The following RAB7A variants were observed in gnomAD, a reference collection of about 807,000 sequenced individuals.
RAB7A encodes RAB7A, member RAS oncogene family.
A neutral mutation model predicts 24.5 loss-of-function variants in RAB7A; 2 were observed. The ratio of observed to expected loss-of-function variants is 0.08; its 90% CI spans 0.03 to 0.26. The LOEUF (loss-of-function observed/expected upper bound fraction) is 0.26, where lower values mean the gene tolerates loss of function less well. Ranked by LOEUF, RAB7A falls within the 10% of genes least tolerant of loss-of-function variation. RAB7A has a pLI of 1.00. For missense variants in RAB7A, 118 were observed against 255.7 expected (o/e 0.46, Z 3.67); for synonymous variants, 100 against 95.9 (o/e 1.04, Z -0.25).
intron 1 of RAB7A, among the ~76,000 whole-genome samples, chr3:128,752,353 G>A (rs1275024652): frequency 1.3e-5 from 2 of 151,484 alleles, no homozygotes; most frequent in Admixed American, 1.3e-4. Context: ...AGAAAAATGG[G>A]AAGAAGATAT....
In RAB7A at chr3:128,792,996, G is replaced by A. The variant is rs570855103; in HGVS notation, c.-8-2364G>A. 1.8e-3 allele frequency among the ~76,000 whole-genome samples: 250 copies of A among 140,554 alleles called. 3 individuals are homozygous for A. The highest frequency in any genetic ancestry group is 2.3e-3 in the Non-Finnish European group (146 of 64,650). The allele number at this position is 140,554 out of a possible 152,430, so 92.2% of individuals were successfully genotyped here. On this transcript the variant is annotated intron_variant, in intron 1 of 5. Transcript: ENST00000265062. Reference sequence around the variant, plus strand: ...CTCCTGAGTAGCTGGGATTACAGGCGCGTGCCACCATGCCCAGCTAATTTT... The same window carrying A: ...CTCCTGAGTAGCTGGGATTACAGGCACGTGCCACCATGCCCAGCTAATTTT...
intron 1 of RAB7A, among the ~76,000 whole-genome samples, chr3:128,729,124 T>C (rs1451799509): frequency 6.6e-6 from 1 of 152,152 alleles, no homozygotes; most frequent in Non-Finnish European, 1.5e-5. Context: ...TTGGGGCAAT[T>C]TTTTTTAAAA....
At chr3:128,755,749 A>G (rs753329498) in intron 1 of RAB7A, among the ~76,000 whole-genome samples, 5 of 152,122 alleles carry the variant, frequency 3.3e-5, no homozygotes, top group Non-Finnish European at 7.4e-5. Flanking sequence ...AGATTTTTTA[A>G]TTTCATGAAT....
intron 1 of RAB7A, among the ~76,000 whole-genome samples, chr3:128,752,311 GA>G (rs1333672062): frequency 5.3e-5 from 8 of 150,572 alleles, no homozygotes; most frequent in African/African-American, 2.0e-4. Flanking sequence ...AATAAAAAAT[GA>G]AAAAATGAGA....
chr3:128,791,718 G>A (rs535716952), intron 1 of RAB7A, among the ~76,000 whole-genome samples: 49 of 152,266 alleles, frequency 3.2e-4, no homozygotes, highest in Middle Eastern at 3.4e-3. Flanking sequence ...ACTCTGCTGG[G>A]CATGTCCTTA....
At chr3:128,768,770 C>T (rs1202199700) in intron 1 of RAB7A, among the ~76,000 whole-genome samples, 1 of 144,458 alleles carries the variant, frequency 6.9e-6, no homozygotes, top group African/African-American at 2.6e-5. Context: ...ACTTTGTTGT[C>T]TAGGCTGCTC....
intron 5 of RAB7A, among the ~76,000 whole-genome samples, chr3:128,808,474 C>A (rs1435670621): frequency 6.6e-6 from 1 of 152,232 alleles, no homozygotes; most frequent in Admixed American, 6.5e-5. Context: ...GAGACAGACT[C>A]TTCCAGCTCT....
At chr3:128,803,740 G>A (rs1933745611) in intron 3 of RAB7A, among the ~76,000 whole-genome samples, 1 of 152,122 alleles carries the variant, frequency 6.6e-6, no homozygotes, top group Admixed American at 6.5e-5. Context: ...AAGACAAGTT[G>A]CAAAAAGCTG....
chr3:128,731,983 G>A (rs1312308778), intron 1 of RAB7A, among the ~76,000 whole-genome samples: 2 of 144,192 alleles, frequency 1.4e-5, no homozygotes, highest in African/African-American at 2.6e-5. Flanking sequence ...CCAGCCTGGC[G>A]ACAGAGCAAG....
chr3:128,800,753 C>T (rs1300402648), intron 3 of RAB7A, among the ~76,000 whole-genome samples: 5 of 152,078 alleles, frequency 3.3e-5, no homozygotes, highest in Admixed American at 6.5e-5. Context: ...GCTGAAATAA[C>T]CCTCCTGAAT....
intron 1 of RAB7A, chr3:128,785,442 G>A (rs1222390066): frequency 1.3e-5 from 2 of 151,866 alleles, no homozygotes; most frequent in Admixed American, 6.6e-5. Context: ...AGTGAAACCC[G>A]TCTCTTGAAA....
At chr3:128,758,040 C>CTT (rs2107594711) in intron 1 of RAB7A, among the ~76,000 whole-genome samples, 1 of 151,998 alleles carries the variant, frequency 6.6e-6, no homozygotes, top group South Asian at 2.1e-4. Context: ...GTAGCTCACT[C>CTT]TAACTTCAAA....
chr3:128,805,264 G>A (rs1933778329), intron 3 of RAB7A, among the ~76,000 whole-genome samples: 1 of 152,220 alleles, frequency 6.6e-6, no homozygotes. Flanking sequence ...TAGTCTACAT[G>A]TGTGGACTTT....
chr3:128,767,969 T>C (rs1262388874), intron 1 of RAB7A, among the ~76,000 whole-genome samples: 1 of 152,182 alleles, frequency 6.6e-6, no homozygotes, highest in Non-Finnish European at 1.5e-5. Flanking sequence ...TATGAATACA[T>C]ACCATTCAAA....
At chr3:128,797,883 T>G in intron 2 of RAB7A, 60 bp from the exon 3 acceptor site, 1 of 1,582,570 alleles carries the variant, frequency 6.3e-7, no homozygotes, top group Non-Finnish European at 8.7e-7. Context: ...TTCAAGTAAT[T>G]CGTGTCAGTT....
chr3:128,729,492 C>A (rs899397237), intron 1 of RAB7A, among the ~76,000 whole-genome samples: 10 of 151,338 alleles, frequency 6.6e-5, no homozygotes, highest in Non-Finnish European at 1.3e-4. Flanking sequence ...ATGGCGTGAA[C>A]CCAGGAGGCA....
intron 5 of RAB7A, among the ~76,000 whole-genome samples, chr3:128,809,936 CTTTTTTTTTTTTTTTTTTTTT>C (rs869119619): frequency 1.9e-5 from 1 of 52,216 alleles, no homozygotes; most frequent in African/African-American, 8.5e-5. Context: ...TTGCCACAGT[CTTTTTTTTTTTTTTTTTTTTT>C]TTTTTTTTTG....
At chr3:128,763,556 C>G (rs914432403) in intron 1 of RAB7A, among the ~76,000 whole-genome samples, 1 of 152,076 alleles carries the variant, frequency 6.6e-6, no homozygotes, top group Non-Finnish European at 1.5e-5. Flanking sequence ...CATTAGGAAC[C>G]TTTTAATGTC....
chr3:128,781,768 C>T (rs1191905320), intron 1 of RAB7A, among the ~76,000 whole-genome samples: 1 of 152,116 alleles, frequency 6.6e-6, no homozygotes, highest in Admixed American at 6.6e-5. Context: ...AATCCCAGCA[C>T]TTTGGGAGGC....
Sources: allele counts gnomAD v4.1 joint callset (sites outside exome capture counted in the v4.1 genomes callset), GRCh38; gene constraint gnomAD v4.1.1; transcripts MANE v1.5; gene names NCBI Gene and HGNC (gene_info 2026-07-23, HGNC 2026-07-21).